COL7A1: variants seen among roughly 807,000 people sequenced by gnomAD.
The protein encoded by COL7A1 is collagen type VII alpha 1 chain.
In COL7A1, 296 loss-of-function variants were observed where a neutral mutation model predicts 456.2. That is an observed-to-expected ratio of 0.65 (90% CI 0.59 to 0.71). COL7A1 has a LOEUF of 0.71. Ranked by LOEUF, COL7A1 falls within the 30% of genes least tolerant of loss-of-function variation. The pLI is 0.00. For synonymous variants in COL7A1, 1,464 were observed against 1,525.9 expected (o/e 0.96, Z 0.95); for missense variants, 3,441 against 4,017.2 (o/e 0.86, Z 3.88).
chr3:48,573,999 A>G lies in COL7A1; in HGVS notation c.6502-109T>C. On this transcript the variant is annotated intron_variant, in intron 80 of 118. Transcript: ENST00000681320. The surrounding 1 kb of genome is among the most constrained non-coding windows in gnomAD (Gnocchi z 5.5). ...TCAATTTCCATACCTCACCCTTTCC[A>G]GTCACAGATAATACCTACCCATGGA... The G allele has an allele frequency of 7.1e-7, 1 of 1,409,100 alleles. No individual in the cohort carries two copies. The highest frequency in any genetic ancestry group is 2.5e-5 in the East Asian group (1 of 40,742). The allele number at this position is 1,409,100 out of a possible 1,614,324, so 87.3% of individuals were successfully genotyped here.
chr3:48,580,495 A>G lies in COL7A1; in HGVS notation c.5052+86T>C. The G allele has an allele frequency of 6.6e-7, 1 of 1,519,530 alleles. No individual in the cohort carries two copies. The highest frequency in any genetic ancestry group is 9.1e-7 in the Non-Finnish European group (1 of 1,103,658). The allele number at this position is 1,519,530 out of a possible 1,614,324, so 94.1% of individuals were successfully genotyped here. On this transcript the variant is annotated intron_variant, in intron 55 of 118. Coordinates refer to ENST00000681320, the MANE Select transcript of COL7A1 (RefSeq NM_000094.4). This position sits in a 1 kb window ranked among gnomAD's most constrained non-coding sequence, Gnocchi z 4.5. ...GTGAAGATTGGGAGGGTTTAGCATTACAGGGTTGGGGGGTAGGATCAGGTA... is the reference window on the plus strand; with the variant it reads ...GTGAAGATTGGGAGGGTTTAGCATTGCAGGGTTGGGGGGTAGGATCAGGTA...
rs2107744113 is a variant in COL7A1, at chr3:48,585,827, C to T, written c.3786+3G>A. 4 of 1,614,132 alleles carry T rather than the reference C, an allele frequency of 2.5e-6. No homozygotes were observed. The East Asian group carries it at 8.9e-5, about 36-fold the overall frequency. On this transcript the variant is annotated splice_donor_region_variant and intron_variant, in intron 30 of 118. Coordinates refer to ENST00000681320, the MANE Select transcript of COL7A1 (RefSeq NM_000094.4). This position sits in a 1 kb window ranked among gnomAD's most constrained non-coding sequence, Gnocchi z 4.5. The stretch of plus-strand genomic sequence containing the variant: ...TCTATTCCCCGCCCGCAGGGGCACT[C>T]ACCATCTCTCCAGGTTCCCCCTTCT...
Position 48,575,044 on chromosome 3 carries a change from G to A in COL7A1, c.6279+20C>T, listed in dbSNP as rs1411858362. 1 of 1,609,840 alleles carries A rather than the reference G, an allele frequency of 6.2e-7. No homozygotes were observed. Among genetic ancestry groups the A allele is most frequent in the African/African-American group, 1.3e-5 (1 of 74,778 alleles). On this transcript the variant is annotated intron_variant, in intron 76 of 118. Coordinates refer to ENST00000681320, the MANE Select transcript of COL7A1 (RefSeq NM_000094.4). The surrounding 1 kb of genome is among the most constrained non-coding windows in gnomAD (Gnocchi z 6.3). Reference sequence around the variant, plus strand: ...TCCTGGTCACTAGTCACAGGACTAAGGCAGGGATGGGGTGATCACCTTGGG... The same window carrying A: ...TCCTGGTCACTAGTCACAGGACTAAAGCAGGGATGGGGTGATCACCTTGGG...
Position 48,580,810 on chromosome 3 carries a change from C to T in COL7A1, c.4980+72G>A. On this transcript the variant is annotated intron_variant, in intron 54 of 118. Transcript: ENST00000681320. This position sits in a 1 kb window ranked among gnomAD's most constrained non-coding sequence, Gnocchi z 4.5. ...GCAGGGACTCCCATCACCCCTTACCCCCCTCAGCCTTTCCTATCACCTTCA... is the reference window on the plus strand; with the variant it reads ...GCAGGGACTCCCATCACCCCTTACCTCCCTCAGCCTTTCCTATCACCTTCA... The T allele has an allele frequency of 6.3e-7, 1 of 1,599,528 alleles. No homozygotes were observed. Among genetic ancestry groups the T allele is most frequent in the Non-Finnish European group, 8.6e-7 (1 of 1,167,024 alleles).
At position 48,575,860 on chromosome 3, in the gene COL7A1, A is replaced by C. The variant is rs774237237; in HGVS notation, c.5856+7T>G. ...TTGTCCCTACCCCCAGCCCCTAAAC[A>C]ACCCACCTTGATGCCAGCAGTTTCC... On this transcript the variant is annotated splice_region_variant and intron_variant, in intron 72 of 118. Transcript: ENST00000681320. The surrounding 1 kb of genome is among the most constrained non-coding windows in gnomAD (Gnocchi z 6.3). The C allele has an allele frequency of 7.4e-6, 12 of 1,613,868 alleles. No individual in the cohort carries two copies. In the South Asian group the frequency reaches 1.2e-4, roughly 16 times the overall value.
rs772151378 is a variant in COL7A1 at position 48,582,334 on chromosome 3, G to C, written c.4624C>G (p.Pro1542Ala). ...EKGEPGRPGD[P>A]AVVGPAVAGP... Reference sequence around the variant, plus strand: ...CTCCCGTCACTCACCACCACTGCAGGGTCCCCAGGGCGACCAGGCTCCCCC... The same window carrying C: ...CTCCCGTCACTCACCACCACTGCAGCGTCCCCAGGGCGACCAGGCTCCCCC... Residue 1542 changes from proline to alanine, a missense_variant, in exon 47 of 119, where the codon CCT becomes GCT. Around this residue, in one of 3 missense-constraint regions of COL7A1, gnomAD observed 2,084 missense variants for 2,501.3 expected, o/e 0.83. Coordinates refer to ENST00000681320, the MANE Select transcript of COL7A1 (RefSeq NM_000094.4). 6.2e-7 allele frequency: 1 copy of C among 1,613,970 alleles called. No homozygotes were observed. Among genetic ancestry groups the C allele is most frequent in the South Asian group, 1.1e-5 (1 of 91,080 alleles).
In COL7A1 at chr3:48,594,489, T is replaced by G; in HGVS notation, c.145A>C (p.Ile49Leu). 1 of 1,612,292 alleles carries G rather than the reference T, an allele frequency of 6.2e-7. No homozygotes were observed. The highest frequency in any genetic ancestry group is 8.5e-7 in the Non-Finnish European group (1 of 1,179,990). ...IVFLLDGSSS[I>L]GRSNFREVRS... Reference sequence around the variant, plus strand: ...ACCTCGCGGAAATTGCTGCGGCCAATGGATGAGGAGCCATCCAGTAAGAAC... The same window carrying G: ...ACCTCGCGGAAATTGCTGCGGCCAAGGGATGAGGAGCCATCCAGTAAGAAC... The change falls in exon 3 of 119, where the codon ATT becomes CTT. Residue 49 changes from isoleucine (I) to leucine (L), a missense_variant. By Grantham distance (5) the Ile-to-Leu change is conservative. This residue lies in a region of COL7A1 where 913 missense variants were observed against 1,088.2 expected (regional missense o/e 0.84). Coordinates refer to ENST00000681320, the MANE Select transcript of COL7A1 (RefSeq NM_000094.4). This position sits in a 1 kb window ranked among gnomAD's most constrained non-coding sequence, Gnocchi z 5.5.
In COL7A1 at chr3:48,573,906, ACT is replaced by A. The variant is rs761514106; in HGVS notation, c.6502-18_6502-17del. 17 of 1,612,720 alleles carry A rather than the reference ACT, an allele frequency of 1.1e-5. No homozygotes were observed. The East Asian group carries it at 3.8e-4, about 36-fold the overall frequency. ...CCTGCAGACCCTACATAGAGAGGGC[ACT>A]GATGAGCCTCAATCTGGGCCTCACT... On this transcript the variant is annotated splice_polypyrimidine_tract_variant and intron_variant, in intron 80 of 118. Coordinates refer to ENST00000681320, the MANE Select transcript of COL7A1 (RefSeq NM_000094.4). The surrounding 1 kb of genome is among the most constrained non-coding windows in gnomAD (Gnocchi z 5.5).
At position 48,566,576 on chromosome 3, in the gene COL7A1, G is replaced by C. The variant is rs1240561937; in HGVS notation, c.8305-13C>G. ...GCCCTGGCCGCCCCTATGTGCAACA[G>C]ATGGGACCAGGCTGTGACCTCTGAC... is the stretch of plus-strand genomic sequence containing the variant. On this transcript the variant is annotated splice_polypyrimidine_tract_variant and intron_variant, in intron 112 of 118. Transcript: ENST00000681320. This position sits in a 1 kb window ranked among gnomAD's most constrained non-coding sequence, Gnocchi z 5.9. The C allele has an allele frequency of 2.5e-6, 4 of 1,614,184 alleles. No individual in the cohort carries two copies. In the Admixed American group the frequency reaches 6.7e-5, roughly 27 times the overall value.
At position 48,574,883 on chromosome 3, in the gene COL7A1, C is replaced by G; in HGVS notation, c.6280-18G>C. ...ACAGACACCTACAAACACAAGGTCA[C>G]AGGGGAGAGATGTCTCTGTCATAGA... is the stretch of plus-strand genomic sequence containing the variant. On this transcript the variant is annotated intron_variant, in intron 76 of 118. Transcript: ENST00000681320. This position sits in a 1 kb window ranked among gnomAD's most constrained non-coding sequence, Gnocchi z 5.0. 1 of 1,613,618 alleles carries G rather than the reference C, an allele frequency of 6.2e-7. No homozygotes were observed. Among genetic ancestry groups the G allele is most frequent in the Non-Finnish European group, 8.5e-7 (1 of 1,179,860 alleles).
In COL7A1 at chr3:48,591,124, G is replaced by A. The variant is rs1182770478; in HGVS notation, c.1637-308C>T. Among the ~76,000 whole-genome samples the A allele has an allele frequency of 6.6e-6, 1 of 152,198 alleles. No homozygotes were observed. The highest frequency in any genetic ancestry group is 1.5e-5 in the Non-Finnish European group (1 of 68,032). On this transcript the variant is annotated intron_variant, in intron 13 of 118. Coordinates refer to ENST00000681320, the MANE Select transcript of COL7A1 (RefSeq NM_000094.4). This position sits in a 1 kb window ranked among gnomAD's most constrained non-coding sequence, Gnocchi z 7.0. Reference sequence around the variant, plus strand: ...CATTGACAGACACTGATGTGGGATGGCAGAGGTCAGTGCTGGATGGGGACA... The same window carrying A: ...CATTGACAGACACTGATGTGGGATGACAGAGGTCAGTGCTGGATGGGGACA...
At position 48,589,604 on chromosome 3, in the gene COL7A1, GCT is replaced by G; in HGVS notation, c.2163_2164del (p.Ala722ProfsTer17). The stretch of plus-strand genomic sequence containing the variant: ...TCCCAAACCCCAGTCCCCACCGTGG[GCT>G]GAGTGCCAGGAAACCCTGTATCCTG... On this transcript the variant is annotated frameshift_variant, in exon 17 of 119. Transcript: ENST00000681320. LOFTEE classifies it high-confidence loss of function. 1 of 1,613,694 alleles carries G rather than the reference GCT, an allele frequency of 6.2e-7. No individual in the cohort carries two copies. Among genetic ancestry groups the G allele is most frequent in the Non-Finnish European group, 8.5e-7 (1 of 1,179,964 alleles).
rs2045580611 is a variant in COL7A1 at position 48,590,066 on chromosome 3, G to A, written c.2050+147C>T. ...AAGGGGAGACAGCTGAAACTGAAGA[G>A]GAAGCAGCGTCTCTGAGGGAGGAGG... On this transcript the variant is annotated intron_variant, in intron 16 of 118. Coordinates refer to ENST00000681320, the MANE Select transcript of COL7A1 (RefSeq NM_000094.4). The surrounding 1 kb of genome is among the most constrained non-coding windows in gnomAD (Gnocchi z 4.6). 2 of 876,044 alleles carry A rather than the reference G, an allele frequency of 2.3e-6. 1 individual carries two copies. Among genetic ancestry groups the A allele is most frequent in the South Asian group, 3.4e-5 (2 of 59,218 alleles). 54.3% of individuals were successfully genotyped at this position (876,044 alleles called of 1,614,324 possible).
Position 48,564,526 on chromosome 3 carries a change from G to A in COL7A1, c.8819-104C>T, listed in dbSNP as rs142853770. The stretch of plus-strand genomic sequence containing the variant: ...GAGGGAGCGGAGGCTACAACAGGAA[G>A]TGGGGGCTCTGACCTCAGAGGGGTC... On this transcript the variant is annotated intron_variant, in intron 118 of 118. Transcript: ENST00000681320. The surrounding 1 kb of genome is among the most constrained non-coding windows in gnomAD (Gnocchi z 6.0). 2.8e-6 allele frequency: 4 copies of A among 1,419,606 alleles called. No homozygotes were observed. Among genetic ancestry groups the A allele is most frequent in the South Asian group, 2.4e-5 (2 of 84,096 alleles). The allele number at this position is 1,419,606 out of a possible 1,614,324, so 87.9% of individuals were successfully genotyped here.
Position 48,578,095 on chromosome 3 carries a change from C to T in COL7A1, c.5532+226G>A, listed in dbSNP as rs1013383277. Among the ~76,000 whole-genome samples, 4 of 151,868 alleles carry T rather than the reference C, an allele frequency of 2.6e-5. No homozygotes were observed. The highest frequency in any genetic ancestry group is 9.7e-5 in the African/African-American group (4 of 41,306). ...AGGAGAATCACTTGAACCCGAGAGTCGAAGGTTGCAGTGAGCTGAGATTGT... is the reference window on the plus strand; with the variant it reads ...AGGAGAATCACTTGAACCCGAGAGTTGAAGGTTGCAGTGAGCTGAGATTGT... On this transcript the variant is annotated intron_variant, in intron 65 of 118. Coordinates refer to ENST00000681320, the MANE Select transcript of COL7A1 (RefSeq NM_000094.4). The surrounding 1 kb of genome is among the most constrained non-coding windows in gnomAD (Gnocchi z 4.7).
In COL7A1 at chr3:48,571,829, G is replaced by A; in HGVS notation, c.7068+172C>T. 1 of 796,698 alleles carries A rather than the reference G, an allele frequency of 1.3e-6. No individual in the cohort carries two copies. The highest frequency in any genetic ancestry group is 2.1e-6 in the Non-Finnish European group (1 of 486,936). 49.4% of individuals were successfully genotyped at this position (796,698 alleles called of 1,614,324 possible). A position where few individuals can be genotyped will look rare whatever the true frequency, so the allele number is the denominator to read the frequency against. On this transcript the variant is annotated intron_variant, in intron 92 of 118. Coordinates refer to ENST00000681320, the MANE Select transcript of COL7A1 (RefSeq NM_000094.4). This position sits in a 1 kb window ranked among gnomAD's most constrained non-coding sequence, Gnocchi z 4.6. ...AGACAGGGCCCCCAGAGCTCAGAGT[G>A]TGGAAGCCGACAGTGTGTGGCTCCC... is the stretch of plus-strand genomic sequence containing the variant.
Position 48,585,939 on chromosome 3 carries a change from C to T in COL7A1, c.3759+1G>A. 6.2e-7 allele frequency: 1 copy of T among 1,614,108 alleles called. No individual in the cohort carries two copies. Among genetic ancestry groups the T allele is most frequent in the Non-Finnish European group, 8.5e-7 (1 of 1,180,036 alleles). The stretch of plus-strand genomic sequence containing the variant: ...TTCACCTCTCGATGAGGGACTCTTA[C>T]CTTTGGACAATACACTGGGCAGGGC... On this transcript the variant is annotated splice_donor_variant, in intron 29 of 118. Coordinates refer to ENST00000681320, the MANE Select transcript of COL7A1 (RefSeq NM_000094.4). LOFTEE classifies it high-confidence loss of function. The surrounding 1 kb of genome is among the most constrained non-coding windows in gnomAD (Gnocchi z 4.5).
chr3:48,579,886 C>G lies in COL7A1; in HGVS notation c.5125-72G>C, dbSNP rs993750792. On this transcript the variant is annotated intron_variant, in intron 57 of 118. Coordinates refer to ENST00000681320, the MANE Select transcript of COL7A1 (RefSeq NM_000094.4). This position sits in a 1 kb window ranked among gnomAD's most constrained non-coding sequence, Gnocchi z 4.4. ...AGGAGTTGGCGAGGGGATACAGGGTCTGTGAGGGGCTCCAGGGATCCGCGG... is the reference window on the plus strand; with the variant it reads ...AGGAGTTGGCGAGGGGATACAGGGTGTGTGAGGGGCTCCAGGGATCCGCGG... 4 of 1,610,790 alleles carry G rather than the reference C, an allele frequency of 2.5e-6. No homozygotes were observed. Among genetic ancestry groups the G allele is most frequent in the Admixed American group, 1.7e-5 (1 of 59,936 alleles).
rs772881674 is a variant in COL7A1 at position 48,567,090 on chromosome 3, G to T, written c.8109+38C>A. On this transcript the variant is annotated intron_variant, in intron 110 of 118. Coordinates refer to ENST00000681320, the MANE Select transcript of COL7A1 (RefSeq NM_000094.4). The surrounding 1 kb of genome is among the most constrained non-coding windows in gnomAD (Gnocchi z 4.3). ...AGATGGACCCTCTCCCAAAGTGCAC[G>T]CTCCCCTCAATTCACCATGACCATG... 6.2e-7 allele frequency: 1 copy of T among 1,613,116 alleles called. No homozygotes were observed. Among genetic ancestry groups the T allele is most frequent in the East Asian group, 2.2e-5 (1 of 44,810 alleles).
Sources: gnomAD v4.1 joint callset for allele counts (sites outside exome capture counted in the v4.1 genomes callset) on GRCh38, gnomAD v4.1.1 for gene constraint, gnomAD v4.1.1 regional missense constraint, Gnocchi (gnomAD v3.1) non-coding constraint, MANE v1.5 for transcripts, NCBI Gene and HGNC (gene_info 2026-07-23, HGNC 2026-07-21) for gene names.